The following PCDHA9 variants were observed in gnomAD, a reference collection of about 807,000 sequenced individuals.
PCDHA9 encodes the protein protocadherin alpha-9.
A neutral mutation model predicts 62.0 loss-of-function variants in PCDHA9; 62 were observed. The observed-to-expected ratio is 1.00, with a 90% CI of 0.81 to 1.23. The LOEUF (loss-of-function observed/expected upper bound fraction) is 1.23, where lower values mean the gene tolerates loss of function less well. PCDHA9 is among the 50% of genes most tolerant of loss of function. The probability of loss-of-function intolerance (pLI) is 0.00; values close to 1 mark genes in which losing one functional copy is unlikely to be tolerated. For missense variants in PCDHA9, 1,205 were observed against 1,249.8 expected, an observed-to-expected ratio of 0.96 and a Z score of 0.54; for synonymous variants, 557 against 567.6, an observed-to-expected ratio of 0.98 and a Z score of 0.27.
At chr5:140,876,388 G>A in intron 1 of PCDHA9, 2 of 1,613,896 alleles carry the variant, frequency 1.2e-6, no homozygotes, top group Non-Finnish European at 1.7e-6. Context: ...TAGAATTTAT[G>A]GTGAACTGGA....
intron 1 of PCDHA9, among the ~76,000 whole-genome samples, chr5:140,909,201 C>G (rs1379290108): frequency 6.6e-6 from 1 of 152,136 alleles, no homozygotes; most frequent in Non-Finnish European, 1.5e-5. Flanking sequence ...GACACAAAGC[C>G]GGAGAGTTGA....
chr5:140,941,202 C>CCTTCCTTT (rs1554213920), intron 1 of PCDHA9, among the ~76,000 whole-genome samples: 107 of 122,824 alleles, frequency 8.7e-4, no homozygotes, highest in Admixed American at 4.2e-3. Flanking sequence ...TTTCTTTCTT[C>CCTTCCTTT]CTTTCTTTCT....
rs185971380 is a variant in PCDHA9, at chr5:140,858,398, G to T, written c.2394+7509G>T. On this transcript the variant is annotated intron_variant, in intron 1 of 3. Transcript: ENST00000532602. ...ACCATGCCCAATGGTAGATGTGGAC[G>T]GGGAAGATCAGTCTATTGGAGGGGA... The T allele has an allele frequency of 3.4e-5, 54 of 1,574,020 alleles. No homozygotes were observed. In the East Asian group the frequency reaches 1.1e-3, roughly 32 times the overall value.
Position 140,898,798 on chromosome 5 carries a change from G to A in PCDHA9, c.2394+47909G>A, listed in dbSNP as rs1441416892. On this transcript the variant is annotated intron_variant, in intron 1 of 3. Coordinates refer to ENST00000532602, the MANE Select transcript of PCDHA9 (RefSeq NM_031857.2). The stretch of plus-strand genomic sequence containing the variant: ...CCTTGGGCAGTATGGCCATTTTCAC[G>A]ATACTGATTCTTCCTACCCATGAGC... Among the ~76,000 whole-genome samples the A allele has an allele frequency of 2.6e-4, 39 of 152,120 alleles. 1 individual carries two copies. Among genetic ancestry groups the A allele is most frequent in the African/African-American group, 7.2e-5 (3 of 41,414 alleles).
At chr5:140,978,800 TATC>T (rs1193658453) in intron 1 of PCDHA9, 146 bp from the exon 2 acceptor site, 56 of 1,480,550 alleles carry the variant, frequency 3.8e-5, no homozygotes, top group Admixed American at 1.1e-4. Context: ...TATATGTAGA[TATC>T]ATCATAGAGT....
intron 1 of PCDHA9, chr5:140,875,899 T>C: frequency 1.2e-6 from 2 of 1,614,192 alleles, no homozygotes; most frequent in South Asian, 1.1e-5. Context: ...GGTACCTGTT[T>C]CTGAATCTGC....
intron 1 of PCDHA9, chr5:140,858,504 C>A: frequency 4.8e-6 from 7 of 1,454,340 alleles, no homozygotes; most frequent in Non-Finnish European, 6.6e-6. Flanking sequence ...CGCATTTTCT[C>A]AAATATGTAT....
intron 1 of PCDHA9, chr5:140,882,698 G>GA: frequency 6.2e-7 from 1 of 1,614,200 alleles, no homozygotes; most frequent in Non-Finnish European, 8.5e-7. Flanking sequence ...AATCATTGCA[G>GA]AATCTAGACC....
intron 1 of PCDHA9, among the ~76,000 whole-genome samples, chr5:140,890,310 G>C (rs1554184247): frequency 6.6e-6 from 1 of 152,160 alleles, no homozygotes; most frequent in African/African-American, 2.4e-5. Context: ...GTAATATTAA[G>C]TTGTTTTAAG....
chr5:140,875,981 A>G lies in PCDHA9; in HGVS notation c.2394+25092A>G, dbSNP rs200521027. 1.0e-3 allele frequency: 1,684 copies of G among 1,614,052 alleles called. 3 individuals are homozygous for G. Among genetic ancestry groups the G allele is most frequent in the Admixed American group, 1.5e-3 (93 of 60,032 alleles). ...ATCGGCGTAAACTCTCTTTTGACCT[A>G]TGCGTTAAGTCTAAATGAGAATTTT... On this transcript the variant is annotated intron_variant, in intron 1 of 3. Transcript: ENST00000532602.
chr5:140,926,170 C>G (rs558750358), intron 1 of PCDHA9, among the ~76,000 whole-genome samples: 1 of 151,736 alleles, frequency 6.6e-6, no homozygotes. Flanking sequence ...CAGGATCCAG[C>G]GCGGAAAGCC....
At chr5:140,855,706 TCAA>T (rs1176313933) in intron 1 of PCDHA9, among the ~76,000 whole-genome samples, 1 of 149,608 alleles carries the variant, frequency 6.7e-6, no homozygotes, top group African/African-American at 2.5e-5. Context: ...GCACGTGGGA[TCAA>T]CATTTATTGT....
chr5:140,869,918 G>A, intron 1 of PCDHA9: 1 of 1,611,272 alleles, frequency 6.2e-7, no homozygotes. Context: ...CGAGACGAAG[G>A]AGTCAATGGA....
intron 1 of PCDHA9, chr5:140,884,514 CG>C (rs1244903550): frequency 5.0e-6 from 8 of 1,614,058 alleles, no homozygotes; most frequent in Middle Eastern, 1.6e-4. Flanking sequence ...GGGAGTTGGT[CG>C]TACTCGCAGC....
chr5:140,952,913 A>G (rs1013502361), intron 1 of PCDHA9, among the ~76,000 whole-genome samples: 6 of 152,092 alleles, frequency 3.9e-5, no homozygotes, highest in African/African-American at 1.4e-4. Flanking sequence ...CTCATCTTAC[A>G]TGGCATGAGC....
intron 3 of PCDHA9, among the ~76,000 whole-genome samples, chr5:140,998,062 C>A (rs2097795439): frequency 6.6e-6 from 1 of 152,176 alleles, no homozygotes; most frequent in Non-Finnish European, 1.5e-5. Flanking sequence ...TCATCATCAA[C>A]AGACTTAGCC....
At chr5:140,917,238 G>A (rs144302098) in intron 1 of PCDHA9, among the ~76,000 whole-genome samples, 1 of 150,440 alleles carries the variant, frequency 6.6e-6, no homozygotes, top group Non-Finnish European at 1.5e-5. Flanking sequence ...TTAAATCTAG[G>A]TACTACGATT....
rs1205449386 is a variant in PCDHA9 at position 140,856,525 on chromosome 5, G to A, written c.2394+5636G>A. The A allele has an allele frequency of 2.5e-6, 4 of 1,598,294 alleles. 1 individual carries two copies. The highest frequency in any genetic ancestry group is 8.6e-7 in the Non-Finnish European group (1 of 1,167,878). On this transcript the variant is annotated intron_variant, in intron 1 of 3. Transcript: ENST00000532602. ...TTCCACTAGAAGGCGCATCTGATGC[G>A]GATGTTGGAGAGAACGCATTGCTTA... is the stretch of plus-strand genomic sequence containing the variant.
chr5:140,901,440 G>C (rs187310877), intron 1 of PCDHA9, among the ~76,000 whole-genome samples: 22 of 152,214 alleles, frequency 1.4e-4, no homozygotes, highest in Admixed American at 5.2e-4. Flanking sequence ...TGGATATCTA[G>C]TTTCCCAGCA....
Sources: allele counts gnomAD v4.1 joint callset (sites outside exome capture counted in the v4.1 genomes callset), GRCh38; gene constraint gnomAD v4.1.1; transcripts MANE v1.5; gene names NCBI Gene and HGNC (gene_info 2026-07-23, HGNC 2026-07-21).